KLRB1: variants seen among roughly 807,000 people sequenced by gnomAD.
KLRB1 encodes the protein killer cell lectin-like receptor subfamily B member 1.
Under a neutral mutation model 33.5 loss-of-function variants are expected in KLRB1, and 27 were observed. The ratio of observed to expected loss-of-function variants is 0.81; its 90% CI spans 0.59 to 1.11. The LOEUF (loss-of-function observed/expected upper bound fraction) is 1.11. Among genes scored for constraint, KLRB1 ranks in the 50% most tolerant of loss-of-function variants. KLRB1 has a pLI of 0.00. For synonymous variants in KLRB1, 64 were observed against 88.9 expected, an observed-to-expected ratio of 0.72 and a Z score of 1.58; for missense variants, 241 against 254.1, an observed-to-expected ratio of 0.95 and a Z score of 0.35.
intron 1 of KLRB1, among the ~76,000 whole-genome samples, chr12:9,606,695 AT>A (rs947687299): frequency 1.8e-4 from 13 of 73,652 alleles, no homozygotes; most frequent in Non-Finnish European, 2.8e-4. Flanking sequence ...TAAAAAGTAT[AT>A]ATATATATAT....
At chr12:9,606,758 ATAT>A (rs376124325) in intron 1 of KLRB1, among the ~76,000 whole-genome samples, 16,981 of 65,586 alleles carry the variant, frequency 0.26, 3,368 homozygotes, top group Admixed American at 0.37. Context: ...ATATATATAT[ATAT>A]TTTTTTTTTT....
At chr12:9,597,895 A>G in intron 5 of KLRB1, 151 bp downstream of exon 5, 1 of 523,762 alleles carries the variant, frequency 1.9e-6, no homozygotes, top group South Asian at 2.9e-5. Flanking sequence ...CTTTCCAACC[A>G]ACTTTGAAAT....
intron 1 of KLRB1, among the ~76,000 whole-genome samples, chr12:9,607,335 C>CTTTCTTCCTTT (rs1491505010): frequency 4.6e-5 from 3 of 65,170 alleles, no homozygotes; most frequent in African/African-American, 4.2e-5. Flanking sequence ...CTCTTTCTTT[C>CTTTCTTCCTTT]CTTTCTTTCT....
At chr12:9,599,944 G>A in intron 2 of KLRB1, 103 bp from the exon 3 acceptor site, 1 of 634,182 alleles carries the variant, frequency 1.6e-6, no homozygotes, top group Non-Finnish European at 2.8e-6. Flanking sequence ...CAACACGCTT[G>A]AATATGGACA....
intron 2 of KLRB1, among the ~76,000 whole-genome samples, chr12:9,600,934 T>G (rs28810088): frequency 6.6e-6 from 1 of 151,784 alleles, no homozygotes; most frequent in Non-Finnish European, 1.5e-5. Context: ...AATGCCTCTT[T>G]CAGTTGAGAC....
intron 4 of KLRB1, 130 bp downstream of exon 4, chr12:9,598,369 T>C (rs10734802): frequency 0.93 from 738,366 of 795,674 alleles, 343,708 homozygotes; most frequent in East Asian, 0.99. Flanking sequence ...TACATATCCA[T>C]GTAGTCATTC....
chr12:9,601,704 C>T, intron 1 of KLRB1, 105 bp from the exon 2 acceptor site: 1 of 706,614 alleles, frequency 1.4e-6, no homozygotes, highest in Non-Finnish European at 2.5e-6. Flanking sequence ...CTTGGGATAA[C>T]ATAGGGACAA....
Position 9,598,049 on chromosome 12 carries a change from T to C in KLRB1, c.527A>G (p.Asn176Ser), listed in dbSNP as rs772072001. ...AGTTAGCTCATCTAATACTCACTCA[T>C]TAGAATTTAAAAAAGAGCCGTTTAT... ...KWINGSFLNS[N>S]DLEIRGDAKE... The change falls in exon 5 of 6, where the codon AAT (asparagine) becomes AGT (serine). Residue 176 changes from asparagine (N) to serine (S), a missense_variant. Coordinates refer to ENST00000229402, the MANE Select transcript of KLRB1 (RefSeq NM_002258.3). 1.4e-6 allele frequency: 2 copies of C among 1,411,860 alleles called. No homozygotes were observed. The highest frequency in any genetic ancestry group is 2.4e-5 in the South Asian group (2 of 82,896). The allele number at this position is 1,411,860 out of a possible 1,614,324, so 87.5% of individuals were successfully genotyped here. A position where few individuals can be genotyped will look rare whatever the true frequency, so the allele number is the denominator to read the frequency against.
rs745464051 is a variant in KLRB1 at position 9,596,172 on chromosome 12, G to A, written c.531-751C>T. On this transcript the variant is annotated intron_variant, in intron 5 of 5. Transcript: ENST00000229402. ...CAAACGGATGAGGTGGTGGCAGCAT[G>A]CTGGGCTCCATCACAGCTTTTCTTT... is the stretch of plus-strand genomic sequence containing the variant. 3.3e-5 allele frequency among the ~76,000 whole-genome samples: 5 copies of A among 152,258 alleles called. No individual in the cohort carries two copies. In the South Asian group the frequency reaches 6.2e-4, roughly 19 times the overall value.
intron 1 of KLRB1, among the ~76,000 whole-genome samples, chr12:9,607,332 T>TTTCCTTCCTTTC (rs200381621): frequency 1.7e-5 from 1 of 58,622 alleles, no homozygotes; most frequent in African/African-American, 4.6e-5. Flanking sequence ...TTTCTCTTTC[T>TTTCCTTCCTTTC]TTCCTTTCTT....
intron 5 of KLRB1, among the ~76,000 whole-genome samples, chr12:9,597,695 A>G (rs1423075110): frequency 6.6e-6 from 1 of 152,114 alleles, no homozygotes; most frequent in Non-Finnish European, 1.5e-5. Context: ...TTACCTACTA[A>G]TGTATATTTT....
intron 5 of KLRB1, among the ~76,000 whole-genome samples, chr12:9,596,444 G>A (rs1456853330): frequency 6.6e-6 from 1 of 152,196 alleles, no homozygotes; most frequent in East Asian, 1.9e-4. Context: ...GGCCTTCCTT[G>A]ATGAGACATC....
At position 9,603,343 on chromosome 12, in the gene KLRB1, C is replaced by T. The variant is rs139919258; in HGVS notation, c.86-1744G>A. Among the ~76,000 whole-genome samples, 201 of 152,254 alleles carry T rather than the reference C, an allele frequency of 1.3e-3. 1 individual carries two copies. The highest frequency in any genetic ancestry group is 3.7e-3 in the East Asian group (19 of 5,186). ...CCTTTCTGTCTCTTCTCTTCCCCAC[C>T]GTTTTCTTCCTTGAAACTCTAAGTT... On this transcript the variant is annotated intron_variant, in intron 1 of 5. Coordinates refer to ENST00000229402, the MANE Select transcript of KLRB1 (RefSeq NM_002258.3).
chr12:9,601,286 C>T (rs985751348), intron 2 of KLRB1, among the ~76,000 whole-genome samples: 3 of 150,998 alleles, frequency 2.0e-5, no homozygotes, highest in Non-Finnish European at 3.0e-5. Flanking sequence ...CAGAGGCTGG[C>T]GGGATCCTCC....
chr12:9,607,552 T>A (rs1252049145), intron 1 of KLRB1: 6 of 502,406 alleles, frequency 1.2e-5, no homozygotes, highest in African/African-American at 1.9e-5. Context: ...CATGCTAACT[T>A]GATTGAAAAA....
At chr12:9,607,620 C>T (rs1323363411) in intron 1 of KLRB1, 135 bp downstream of exon 1, 3 of 606,682 alleles carry the variant, frequency 4.9e-6, no homozygotes, top group East Asian at 2.9e-5. Context: ...TACAGGCAAG[C>T]CATGCAACAC....
At chr12:9,600,768 G>T (rs1041725182) in intron 2 of KLRB1, among the ~76,000 whole-genome samples, 7 of 151,488 alleles carry the variant, frequency 4.6e-5, no homozygotes, top group Non-Finnish European at 7.4e-5. Context: ...GCGGAAGGCC[G>T]CAGGGACCTC....
At position 9,595,091 on chromosome 12, in the gene KLRB1, C is replaced by T; in HGVS notation, c.*183G>A. 5.3e-6 allele frequency: 3 copies of T among 565,792 alleles called. No individual in the cohort carries two copies. Among genetic ancestry groups the T allele is most frequent in the Non-Finnish European group, 9.4e-6 (3 of 319,800 alleles). 35.0% of individuals were successfully genotyped at this position (565,792 alleles called of 1,614,324 possible). ...ACGTTTTTCTCTATGTCTCTGTTTC[C>T]TCATTTAATAGAATGAATATGATAA... On this transcript the variant is annotated 3_prime_UTR_variant, in exon 6 of 6. Coordinates refer to ENST00000229402, the MANE Select transcript of KLRB1 (RefSeq NM_002258.3).
At position 9,604,525 on chromosome 12, in the gene KLRB1, C is replaced by T. The variant is rs144724322; in HGVS notation, c.86-2926G>A. The stretch of plus-strand genomic sequence containing the variant: ...GCCCTCACCCCATCTGGCCTCCATA[C>T]GCTCACTCTCCACGCAGATGCCTCC... On this transcript the variant is annotated intron_variant, in intron 1 of 5. Coordinates refer to ENST00000229402, the MANE Select transcript of KLRB1 (RefSeq NM_002258.3). Among the ~76,000 whole-genome samples, 718 of 152,244 alleles carry T rather than the reference C, an allele frequency of 4.7e-3. 27 individuals are homozygous for T. Among genetic ancestry groups the T allele is most frequent in the Admixed American group, 0.041 (624 of 15,286 alleles).
Sources: allele counts gnomAD v4.1 joint callset (sites outside exome capture counted in the v4.1 genomes callset), GRCh38; gene constraint gnomAD v4.1.1; transcripts MANE v1.5; gene names NCBI Gene and HGNC (gene_info 2026-07-23, HGNC 2026-07-21).